The following LIAS variants were observed in gnomAD, a reference collection of about 807,000 sequenced individuals.
LIAS encodes the protein lipoyl synthase, mitochondrial.
LIAS carries 36 observed loss-of-function variants against 49.4 expected under a neutral mutation model. That is an observed-to-expected ratio of 0.73 (90% CI 0.56 to 0.96). The LOEUF (loss-of-function observed/expected upper bound fraction) is 0.96, where lower values mean the gene tolerates loss of function less well. LIAS is among the 40% of genes least tolerant of loss of function. LIAS has a pLI of 0.00. For missense variants in LIAS, 399 were observed against 456.3 expected (o/e 0.87, Z 1.14); for synonymous variants, 145 against 155.8 (o/e 0.93, Z 0.52).
Position 39,470,114 on chromosome 4 carries a change from T to C in LIAS, c.833T>C (p.Ile278Thr), listed in dbSNP as rs1744928054. 1 of 1,613,864 alleles carries C rather than the reference T, an allele frequency of 6.2e-7. No individual in the cohort carries two copies. ...CCTGATGTTATTTCTAAAACATCTA[T>C]AATGTTGGGTTTAGGCGAGAATGAT... ...VQPDVISKTSIMLGLGENDEQ... is the reference protein window; with the variant it reads ...VQPDVISKTSTMLGLGENDEQ... Residue 278 changes from isoleucine to threonine, a missense_variant, in exon 8 of 11, where the codon ATA (isoleucine) becomes ACA (threonine). Ile to Thr is a moderately conservative substitution (Grantham distance 89). Coordinates refer to ENST00000640888, the MANE Select transcript of LIAS (RefSeq NM_006859.4).
chr4:39,463,808 T>C (rs1744646094), intron 4 of LIAS: 1 of 1,089,418 alleles, frequency 9.2e-7, no homozygotes, highest in South Asian at 3.3e-5. Context: ...TATTATTGGT[T>C]CTTTCATTTA....
chr4:39,462,697 G>T (rs1744569735), intron 3 of LIAS, among the ~76,000 whole-genome samples: 1 of 152,120 alleles, frequency 6.6e-6, no homozygotes, highest in Admixed American at 6.5e-5. Context: ...TTAAAAATTG[G>T]ATTTTGGCCA....
rs1027674659 is a variant in LIAS, at chr4:39,468,731, T to A, written c.737+1085T>A. 6 of 149,416 alleles carry A rather than the reference T, an allele frequency of 4.0e-5. No individual in the cohort carries two copies. The South Asian group carries it at 8.4e-4, about 21-fold the overall frequency. The allele number at this position is 149,416 out of a possible 1,614,324, so 9.3% of individuals were successfully genotyped here. ...CCATCTCTACTAAATATACAAAAAA[T>A]TTTAGCTAGGTGCAGACCTGTAATT... On this transcript the variant is annotated intron_variant, in intron 7 of 10. Transcript: ENST00000640888.
intron 8 of LIAS, 96 bp downstream of exon 8, chr4:39,470,260 T>C: frequency 1.0e-6 from 1 of 1,002,864 alleles, no homozygotes; most frequent in Non-Finnish European, 1.4e-6. Flanking sequence ...CAAAGAAAAG[T>C]ATATGGTTAT....
In LIAS at chr4:39,477,736, AT is replaced by A. The variant is rs1745249694; in HGVS notation, c.*625del. On this transcript the variant is annotated 3_prime_UTR_variant, in exon 11 of 11. Coordinates refer to ENST00000640888, the MANE Select transcript of LIAS (RefSeq NM_006859.4). ...GGTGGCTCACACCTATAATCCCAAC[AT>A]TTTGGGAGGCCAGGGCGGGTGGATC... The A allele has an allele frequency of 6.6e-6, 1 of 152,194 alleles. No homozygotes were observed. The highest frequency in any genetic ancestry group is 2.1e-4 in the South Asian group (1 of 4,824). The allele number at this position is 152,194 out of a possible 1,614,324, so 9.4% of individuals were successfully genotyped here.
intron 4 of LIAS, among the ~76,000 whole-genome samples, chr4:39,464,802 G>A (rs988649383): frequency 6.6e-6 from 1 of 151,984 alleles, no homozygotes; most frequent in East Asian, 1.9e-4. Flanking sequence ...TAAATTTTGC[G>A]TCCTTTCCTG....
intron 6 of LIAS, 32 bp from the exon 7 acceptor site, chr4:39,467,486 C>T: frequency 1.3e-6 from 2 of 1,542,154 alleles, no homozygotes; most frequent in Non-Finnish European, 1.8e-6. Context: ...AGTTCTTTCT[C>T]TCTGTTTGAT....
chr4:39,460,242 G>T (rs1253124966), intron 1 of LIAS, among the ~76,000 whole-genome samples: 1 of 152,004 alleles, frequency 6.6e-6, no homozygotes, highest in African/African-American at 2.4e-5. Context: ...TAGTTCCAGA[G>T]ATTTTCGGGC....
At chr4:39,471,087 T>C (rs1433791658) in intron 8 of LIAS, 149 bp from the exon 9 acceptor site, 7 of 599,690 alleles carry the variant, frequency 1.2e-5, no homozygotes, top group Non-Finnish European at 2.1e-5. Context: ...CATAATACTT[T>C]TGAATGAATA....
At chr4:39,464,463 A>G (rs970942964) in intron 4 of LIAS, among the ~76,000 whole-genome samples, 1 of 152,062 alleles carries the variant, frequency 6.6e-6, no homozygotes, top group African/African-American at 2.4e-5. Flanking sequence ...TGTACCCCCT[A>G]AACTGTATAT....
chr4:39,476,659 G>T (rs1447116719), intron 10 of LIAS: 1 of 160,458 alleles, frequency 6.2e-6, no homozygotes, highest in Non-Finnish European at 1.3e-5. Context: ...AACGAGATCT[G>T]TTTTATAAAC....
chr4:39,459,081 C>A lies in LIAS; in HGVS notation c.-37C>A. ...CTGTCCTTTCCCGGGAGTTAGCGATCCCTCAACCCCTGCACTGCGCTAGTC... is the reference window on the plus strand; with the variant it reads ...CTGTCCTTTCCCGGGAGTTAGCGATACCTCAACCCCTGCACTGCGCTAGTC... On this transcript the variant is annotated 5_prime_UTR_variant, in exon 1 of 11. Coordinates refer to ENST00000640888, the MANE Select transcript of LIAS (RefSeq NM_006859.4). 6.2e-7 allele frequency: 1 copy of A among 1,612,644 alleles called. No individual in the cohort carries two copies. Among genetic ancestry groups the A allele is most frequent in the Non-Finnish European group, 8.5e-7 (1 of 1,178,636 alleles).
chr4:39,463,680 T>C (rs746467476), intron 4 of LIAS, 75 bp downstream of exon 4: 2 of 1,496,860 alleles, frequency 1.3e-6, no homozygotes, highest in African/African-American at 1.4e-5. Context: ...CTCCTAAAAA[T>C]GTGCATTATG....
intron 3 of LIAS, among the ~76,000 whole-genome samples, chr4:39,463,002 G>C (rs1221278360): frequency 6.6e-6 from 1 of 151,866 alleles, no homozygotes; most frequent in East Asian, 1.9e-4. Context: ...AAAAATTCAA[G>C]TCTGTCCATT....
chr4:39,463,722 A>G, intron 4 of LIAS, 117 bp downstream of exon 4: 1 of 1,366,080 alleles, frequency 7.3e-7, no homozygotes, highest in Non-Finnish European at 9.5e-7. Flanking sequence ...TTACATTTGC[A>G]TTTATGAAAA....
intron 4 of LIAS, chr4:39,463,917 C>A: frequency 3.8e-6 from 1 of 263,382 alleles, no homozygotes; most frequent in Non-Finnish European, 6.9e-6. Context: ...TTCTGTTTAA[C>A]ATATTCAACA....
Position 39,463,587 on chromosome 4 carries a change from C to A in LIAS, c.375C>A (p.Thr125=). 1.2e-6 allele frequency: 2 copies of A among 1,612,228 alleles called. No homozygotes were observed. The highest frequency in any genetic ancestry group is 8.5e-7 in the Non-Finnish European group (1 of 1,178,984). ...GECWGGGEYA[T]ATATIMLMGD... Reference sequence around the variant, plus strand: ...GTTGGGGAGGTGGAGAATATGCCACCGCCACAGCCACGATCATGGTAGGGC... The same window carrying A: ...GTTGGGGAGGTGGAGAATATGCCACAGCCACAGCCACGATCATGGTAGGGC... The change falls in exon 4 of 11, where the codon ACC becomes ACA. Residue 125 remains threonine, a synonymous_variant. Coordinates refer to ENST00000640888, the MANE Select transcript of LIAS (RefSeq NM_006859.4).
intron 9 of LIAS, among the ~76,000 whole-genome samples, chr4:39,471,670 G>A (rs1744996131): frequency 6.6e-6 from 1 of 151,616 alleles, no homozygotes; most frequent in Admixed American, 6.6e-5. Flanking sequence ...GGGATTACAG[G>A]CACACACTAC....
intron 1 of LIAS, among the ~76,000 whole-genome samples, chr4:39,460,094 CT>C (rs1744385922): frequency 6.6e-6 from 1 of 152,246 alleles, no homozygotes; most frequent in Non-Finnish European, 1.5e-5. Context: ...GCACACTTCA[CT>C]TTAAACGCCC....
Sources: allele counts gnomAD v4.1 joint callset (sites outside exome capture counted in the v4.1 genomes callset), GRCh38; gene constraint gnomAD v4.1.1; transcripts MANE v1.5; gene names NCBI Gene and HGNC (gene_info 2026-07-23, HGNC 2026-07-21).